GRM8: variants seen among roughly 807,000 people sequenced by gnomAD.
GRM8 encodes metabotropic glutamate receptor 8.
In GRM8, 47 loss-of-function variants were observed where a neutral mutation model predicts 87.2. The observed-to-expected ratio is 0.54, with a 90% CI of 0.43 to 0.69. The LOEUF is 0.69. Among genes scored for constraint, GRM8 ranks in the 30% least tolerant of loss-of-function variants. The probability of loss-of-function intolerance (pLI) is 0.00; values close to 1 mark genes in which losing one functional copy is unlikely to be tolerated. For missense variants in GRM8, 1,019 were observed against 1,139.2 expected, an observed-to-expected ratio of 0.89 and a Z score of 1.52; for synonymous variants, 396 against 404.5, an observed-to-expected ratio of 0.98 and a Z score of 0.25.
chr7:126,990,713 G>C (rs939472138), intron 3 of GRM8, among the ~76,000 whole-genome samples: 1 of 152,178 alleles, frequency 6.6e-6, no homozygotes, highest in African/African-American at 2.4e-5. Flanking sequence ...TTTCTCATCT[G>C]TAAATGGGCA....
chr7:127,040,910 T>C (rs536610844), intron 3 of GRM8, among the ~76,000 whole-genome samples: 105 of 152,352 alleles, frequency 6.9e-4, no homozygotes, highest in African/African-American at 2.4e-3. Flanking sequence ...AAAAATGTGC[T>C]GGATTTAAAG....
At chr7:126,573,285 T>C (rs1794836127) in intron 8 of GRM8, among the ~76,000 whole-genome samples, 2 of 152,244 alleles carry the variant, frequency 1.3e-5, no homozygotes, top group South Asian at 2.1e-4. Flanking sequence ...GTGTTCACAA[T>C]GGGATGATGT....
chr7:126,775,493 T>C (rs1819355132), intron 6 of GRM8, among the ~76,000 whole-genome samples: 1 of 149,550 alleles, frequency 6.7e-6, no homozygotes, highest in Non-Finnish European at 1.5e-5. Context: ...TTTTTTTTTT[T>C]TTTTTTTTTT....
At chr7:126,783,388 T>C (rs1820299671) in intron 6 of GRM8, among the ~76,000 whole-genome samples, 1 of 152,154 alleles carries the variant, frequency 6.6e-6, no homozygotes, top group Non-Finnish European at 1.5e-5. Flanking sequence ...TAATATTCTG[T>C]GAAGAGCCAC....
chr7:126,640,498 C>A (rs3824017), intron 7 of GRM8, among the ~76,000 whole-genome samples: 46,727 of 151,868 alleles, frequency 0.31, 8,024 homozygotes, highest in East Asian at 0.43. Context: ...ATGTATAAAA[C>A]TATGCATTTA....
chr7:126,790,096 C>A (rs1336862181), intron 6 of GRM8, among the ~76,000 whole-genome samples: 3 of 152,024 alleles, frequency 2.0e-5, no homozygotes, highest in Non-Finnish European at 4.4e-5. Context: ...CAACCTCTGC[C>A]CCACAGGTTC....
At chr7:126,975,066 CAAG>C (rs1158264201) in intron 3 of GRM8, among the ~76,000 whole-genome samples, 2 of 148,056 alleles carry the variant, frequency 1.4e-5, no homozygotes, top group African/African-American at 5.0e-5. Flanking sequence ...ATTCTTAGAA[CAAG>C]AATATAACCC....
intron 6 of GRM8, among the ~76,000 whole-genome samples, chr7:126,851,181 T>A (rs1319405607): frequency 6.6e-6 from 1 of 152,154 alleles, no homozygotes; most frequent in Admixed American, 6.5e-5. Flanking sequence ...ATATACTTTA[T>A]CTATCATACA....
intron 8 of GRM8, among the ~76,000 whole-genome samples, chr7:126,562,972 G>A (rs1489647544): frequency 1.3e-5 from 2 of 152,150 alleles, no homozygotes; most frequent in Non-Finnish European, 2.9e-5. Flanking sequence ...ATTTACTAAA[G>A]AAATATATGG....
intron 3 of GRM8, among the ~76,000 whole-genome samples, chr7:127,071,199 C>T (rs939304116): frequency 1.3e-5 from 2 of 151,982 alleles, no homozygotes; most frequent in African/African-American, 2.4e-5. Flanking sequence ...TTCTCTTCAT[C>T]GTGGCTGGGG....
intron 6 of GRM8, among the ~76,000 whole-genome samples, chr7:126,892,170 T>C (rs754747230): frequency 1.5e-4 from 23 of 152,116 alleles, no homozygotes; most frequent in African/African-American, 4.3e-4. Flanking sequence ...TACTTTAAGT[T>C]TCAGGGTACA....
intron 7 of GRM8, among the ~76,000 whole-genome samples, chr7:126,632,851 G>A (rs1801476232): frequency 6.6e-6 from 1 of 152,034 alleles, no homozygotes; most frequent in South Asian, 2.1e-4. Flanking sequence ...ATGGAGACAT[G>A]GGGGAACAAC....
intron 3 of GRM8, among the ~76,000 whole-genome samples, chr7:126,919,725 A>G (rs1340716717): frequency 6.6e-6 from 1 of 151,782 alleles, no homozygotes; most frequent in African/African-American, 2.4e-5. Flanking sequence ...TCTCTCTCCT[A>G]TTTCTTGATC....
intron 8 of GRM8, among the ~76,000 whole-genome samples, chr7:126,584,285 G>A (rs185996416): frequency 6.8e-6 from 1 of 145,986 alleles, no homozygotes; most frequent in East Asian, 2.1e-4. Flanking sequence ...GAGTGCAGTG[G>A]TGCAATCTGG....
chr7:126,857,397 A>C (rs1264029353), intron 6 of GRM8, among the ~76,000 whole-genome samples: 1 of 152,148 alleles, frequency 6.6e-6, no homozygotes, highest in Non-Finnish European at 1.5e-5. Context: ...ACATGTCTCA[A>C]CCCTTAACCC....
intron 3 of GRM8, among the ~76,000 whole-genome samples, chr7:126,994,661 G>A (rs1350294581): frequency 6.6e-6 from 1 of 152,162 alleles, no homozygotes; most frequent in African/African-American, 2.4e-5. Flanking sequence ...TCTGCCTGTG[G>A]AAAGGGGAAA....
chr7:126,817,908 A>G (rs979998817), intron 6 of GRM8, among the ~76,000 whole-genome samples: 1 of 152,180 alleles, frequency 6.6e-6, no homozygotes, highest in Non-Finnish European at 1.5e-5. Context: ...CTCTGGACAC[A>G]CTTTATTTTC....
At chr7:126,483,342 CACTTATA>C (rs1301385097) in intron 9 of GRM8, among the ~76,000 whole-genome samples, 1 of 150,638 alleles carries the variant, frequency 6.6e-6, no homozygotes, top group Non-Finnish European at 1.5e-5. Flanking sequence ...ATTTCCTCAA[CACTTATA>C]ACTAGACTTG....
chr7:127,144,497 A>T (rs1828447132), intron 2 of GRM8, among the ~76,000 whole-genome samples: 1 of 152,130 alleles, frequency 6.6e-6, no homozygotes, highest in Non-Finnish European at 1.5e-5. Flanking sequence ...CAATCAGCAT[A>T]TGTTTATTTA....
Sources: allele counts gnomAD v4.1 joint callset (sites outside exome capture counted in the v4.1 genomes callset), GRCh38; gene constraint gnomAD v4.1.1; transcripts MANE v1.5; gene names NCBI Gene and HGNC (gene_info 2026-07-23, HGNC 2026-07-21).